GALNTL6: variants seen among roughly 807,000 people sequenced by gnomAD.
The protein encoded by GALNTL6 is polypeptide N-acetylgalactosaminyltransferase like 6.
In GALNTL6, 46 loss-of-function variants were observed where a neutral mutation model predicts 73.7. The ratio of observed to expected loss-of-function variants is 0.62; its 90% CI spans 0.49 to 0.80. The LOEUF is 0.80. Ranked by LOEUF, GALNTL6 falls within the 30% of genes least tolerant of loss-of-function variation. The pLI is 0.00. For missense variants in GALNTL6, 604 were observed against 755.0 expected, an observed-to-expected ratio of 0.80 and a Z score of 2.34; for synonymous variants, 259 against 263.7, an observed-to-expected ratio of 0.98 and a Z score of 0.17.
chr4:172,338,917 C>T (rs962590898), intron 4 of GALNTL6, among the ~76,000 whole-genome samples: 2 of 152,226 alleles, frequency 1.3e-5, no homozygotes, highest in East Asian at 1.9e-4. Flanking sequence ...ACTCCTAATC[C>T]AGGAGAGTGG....
chr4:172,942,439 T>A (rs1748959598), intron 9 of GALNTL6, among the ~76,000 whole-genome samples: 1 of 152,182 alleles, frequency 6.6e-6, no homozygotes, highest in African/African-American at 2.4e-5. Flanking sequence ...AAAATGCTGG[T>A]TGTGATTTTT....
intron 3 of GALNTL6, among the ~76,000 whole-genome samples, chr4:172,310,369 C>A (rs1039443883): frequency 6.6e-6 from 1 of 151,762 alleles, no homozygotes; most frequent in Non-Finnish European, 1.5e-5. Context: ...CTTCTGGGTT[C>A]AAGCGATTTT....
chr4:173,027,137 T>A (rs761706667), intron 12 of GALNTL6, among the ~76,000 whole-genome samples: 2 of 152,084 alleles, frequency 1.3e-5, no homozygotes, highest in Non-Finnish European at 2.9e-5. Context: ...TACAGGCACA[T>A]GCCACCCAGC....
chr4:172,887,670 T>C (rs924987805), intron 8 of GALNTL6, among the ~76,000 whole-genome samples: 1 of 152,020 alleles, frequency 6.6e-6, no homozygotes, highest in Non-Finnish European at 1.5e-5. Context: ...TTCAAGTAAT[T>C]ATCCTGCCTC....
chr4:172,701,635 A>G (rs1470651031), intron 5 of GALNTL6, among the ~76,000 whole-genome samples: 1 of 152,060 alleles, frequency 6.6e-6, no homozygotes, highest in Non-Finnish European at 1.5e-5. Context: ...TTATAATCGG[A>G]ATAGGACCTC....
At chr4:172,722,570 C>T (rs1735543798) in intron 5 of GALNTL6, among the ~76,000 whole-genome samples, 1 of 151,978 alleles carries the variant, frequency 6.6e-6, no homozygotes, top group South Asian at 2.1e-4. Flanking sequence ...TTTTAAAATG[C>T]ATGTGAATAT....
intron 10 of GALNTL6, 60 bp downstream of exon 10, chr4:172,952,318 C>A: frequency 8.1e-7 from 1 of 1,236,222 alleles, no homozygotes; most frequent in South Asian, 1.3e-5. Context: ...TCCCCCATAG[C>A]CTCAGGTGGT....
At chr4:171,893,564 T>C (rs769641414) in intron 2 of GALNTL6, among the ~76,000 whole-genome samples, 11 of 152,170 alleles carry the variant, frequency 7.2e-5, no homozygotes, top group Non-Finnish European at 1.6e-4. Flanking sequence ...AAATGCCCAA[T>C]ATCTGTGTTC....
chr4:171,977,372 G>A (rs1267430936), intron 2 of GALNTL6, among the ~76,000 whole-genome samples: 6 of 152,300 alleles, frequency 3.9e-5, no homozygotes, highest in East Asian at 3.9e-4. Context: ...AAGTACCACA[G>A]ACTGGGTGGC....
intron 2 of GALNTL6, among the ~76,000 whole-genome samples, chr4:171,836,140 A>C (rs182568794): frequency 6.6e-6 from 1 of 152,210 alleles, no homozygotes; most frequent in East Asian, 1.9e-4. Context: ...TAGTGTGGAC[A>C]CTGAAACAGT....
At chr4:172,786,583 T>C (rs1002010896) in intron 5 of GALNTL6, among the ~76,000 whole-genome samples, 1 of 152,190 alleles carries the variant, frequency 6.6e-6, no homozygotes, top group Non-Finnish European at 1.5e-5. Context: ...TGTCTAGGCA[T>C]GCCCAAGTTT....
intron 5 of GALNTL6, among the ~76,000 whole-genome samples, chr4:172,502,484 C>T (rs1210133918): frequency 1.7e-5 from 1 of 58,144 alleles, no homozygotes; most frequent in Non-Finnish European, 4.1e-5. Flanking sequence ...AGCACTTTGG[C>T]TCATCTATTT....
At chr4:172,347,085 G>A (rs1687388287) in intron 4 of GALNTL6, among the ~76,000 whole-genome samples, 1 of 150,402 alleles carries the variant, frequency 6.6e-6, no homozygotes, top group Admixed American at 6.6e-5. Flanking sequence ...TGCCTCCTGG[G>A]TTCAAGCGAT....
intron 5 of GALNTL6, among the ~76,000 whole-genome samples, chr4:172,655,677 T>C (rs1189859788): frequency 6.6e-6 from 1 of 152,196 alleles, no homozygotes; most frequent in Non-Finnish European, 1.5e-5. Flanking sequence ...TATGTCAAAT[T>C]TTCTACATTA....
chr4:172,814,224 TTCAA>T (rs1352326830), intron 7 of GALNTL6, among the ~76,000 whole-genome samples: 1 of 152,206 alleles, frequency 6.6e-6, no homozygotes, highest in African/African-American at 2.4e-5. Context: ...ACATGGGGAA[TTCAA>T]TCAAAGTGAT....
intron 5 of GALNTL6, among the ~76,000 whole-genome samples, chr4:172,404,092 C>T (rs1744131289): frequency 6.6e-6 from 1 of 151,970 alleles, no homozygotes; most frequent in South Asian, 2.1e-4. Context: ...CTTTCTCTCT[C>T]TCTCTCTGTA....
intron 2 of GALNTL6, among the ~76,000 whole-genome samples, chr4:172,028,709 T>G (rs948589497): frequency 2.0e-5 from 3 of 152,026 alleles, no homozygotes; most frequent in African/African-American, 7.2e-5. Flanking sequence ...AAAGGAATGT[T>G]TGCCAAACAT....
intron 5 of GALNTL6, among the ~76,000 whole-genome samples, chr4:172,747,268 G>A (rs1005285870): frequency 1.3e-5 from 2 of 152,024 alleles, no homozygotes; most frequent in Non-Finnish European, 2.9e-5. Flanking sequence ...TCATATATTG[G>A]ATAAGGGGTT....
In GALNTL6 at chr4:172,632,715, T is replaced by C. The variant is rs150242159; in HGVS notation, c.554-176646T>C. ...TTAATCACCAAGACAATGGGGAAAA[T>C]GTCTCCAGAGCATGTTACAGACCTT... is the stretch of plus-strand genomic sequence containing the variant. On this transcript the variant is annotated intron_variant, in intron 5 of 12. Coordinates refer to ENST00000506823, the MANE Select transcript of GALNTL6 (RefSeq NM_001034845.3). 6.2e-3 allele frequency among the ~76,000 whole-genome samples: 947 copies of C among 151,946 alleles called. 9 individuals are homozygous for C. The highest frequency in any genetic ancestry group is 0.021 in the African/African-American group (871 of 41,430).
Sources: gnomAD v4.1 joint callset for allele counts (sites outside exome capture counted in the v4.1 genomes callset) on GRCh38, gnomAD v4.1.1 for gene constraint, MANE v1.5 for transcripts, NCBI Gene and HGNC (gene_info 2026-07-23, HGNC 2026-07-21) for gene names.